Variants in NSUN6 observed in about 807,000 individuals in gnomAD.
NSUN6 encodes the protein NOP2/Sun RNA methyltransferase 6.
NSUN6 carries 64 observed loss-of-function variants against 58.0 expected under a neutral mutation model. The ratio of observed to expected loss-of-function variants is 1.10; its 90% CI spans 0.90 to 1.36. The LOEUF (loss-of-function observed/expected upper bound fraction) is 1.36. Ranked by LOEUF, NSUN6 falls within the 40% of genes most tolerant of loss-of-function variation. NSUN6 has a pLI of 0.00. For synonymous variants in NSUN6, 231 were observed against 193.9 expected (o/e 1.19, Z -1.59); for missense variants, 701 against 550.1 (o/e 1.27, Z -2.74).
intron 2 of NSUN6, among the ~76,000 whole-genome samples, chr10:18,644,873 G>A (rs7071897): frequency 0.56 from 83,163 of 149,264 alleles, 23,502 homozygotes; most frequent in East Asian, 0.94. Context: ...CTGAAAACGT[G>A]TAGGTCAGGC....
chr10:18,574,407 G>A (rs562915250), intron 8 of NSUN6, among the ~76,000 whole-genome samples: 74 of 151,862 alleles, frequency 4.9e-4, no homozygotes, highest in Non-Finnish European at 8.7e-4. Flanking sequence ...AACCCAGCAG[G>A]TTTCCTAACA....
chr10:18,568,449 T>C (rs988683589), intron 8 of NSUN6, among the ~76,000 whole-genome samples: 2 of 150,014 alleles, frequency 1.3e-5, no homozygotes, highest in Non-Finnish European at 3.0e-5. Flanking sequence ...TCCAGCTCCA[T>C]CTCCATTCCA....
intron 3 of NSUN6, 94 bp downstream of exon 3, chr10:18,642,382 G>C: frequency 1.5e-6 from 1 of 669,704 alleles, no homozygotes; most frequent in East Asian, 2.6e-5. Context: ...GCTAACAATG[G>C]AGAAACTTAG....
At chr10:18,549,243 C>T (rs2054464859) in intron 9 of NSUN6, among the ~76,000 whole-genome samples, 1 of 152,146 alleles carries the variant, frequency 6.6e-6, no homozygotes, top group African/African-American at 2.4e-5. Context: ...GCCTCTCTGA[C>T]CTCCTCCTGT....
chr10:18,641,583 T>C (rs1163566548), intron 3 of NSUN6, among the ~76,000 whole-genome samples: 1 of 152,052 alleles, frequency 6.6e-6, no homozygotes, highest in Non-Finnish European at 1.5e-5. Flanking sequence ...TTGCCCAGAC[T>C]GGTCTCCAAC....
intron 6 of NSUN6, among the ~76,000 whole-genome samples, chr10:18,599,084 C>T (rs2057707431): frequency 6.6e-6 from 1 of 152,056 alleles, no homozygotes; most frequent in Admixed American, 6.6e-5. Context: ...GTCACACAGG[C>T]TGCAGTGCAG....
At chr10:18,654,702 A>T (rs1046644537), upstream of NSUN6, 1 of 152,092 alleles carries the variant, frequency 6.6e-6, no homozygotes, top group Non-Finnish European at 1.5e-5. Context: ...TCAATATGTA[A>T]AACCCCATCT....
chr10:18,606,804 T>C (rs901647314), intron 6 of NSUN6, among the ~76,000 whole-genome samples: 10 of 152,188 alleles, frequency 6.6e-5, no homozygotes, highest in African/African-American at 1.2e-4. Context: ...TAGGTACCCA[T>C]ATTACAAGTT....
intron 8 of NSUN6, among the ~76,000 whole-genome samples, chr10:18,562,983 G>A (rs1010303530): frequency 2.0e-5 from 3 of 150,682 alleles, no homozygotes; most frequent in African/African-American, 7.3e-5. Flanking sequence ...AAGGAATGGA[G>A]AATGGAATGG....
chr10:18,588,194 G>C (rs1394461651), intron 7 of NSUN6, among the ~76,000 whole-genome samples: 1 of 152,208 alleles, frequency 6.6e-6, no homozygotes, highest in Non-Finnish European at 1.5e-5. Context: ...CAAAGCAGTT[G>C]TGGCCAGACT....
chr10:18,614,319 G>C (rs1163985355), intron 5 of NSUN6, 141 bp downstream of exon 5: 1 of 417,892 alleles, frequency 2.4e-6, no homozygotes, highest in African/African-American at 2.1e-5. Flanking sequence ...GGAAATATGG[G>C]TTTAAACAAT....
intron 2 of NSUN6, among the ~76,000 whole-genome samples, chr10:18,648,069 T>C (rs545034307): frequency 6.1e-4 from 93 of 152,254 alleles, no homozygotes; most frequent in African/African-American, 2.0e-3. Context: ...CAATTAACAA[T>C]ATAATCTCAC....
At chr10:18,559,843 GGGAATGGAATGCAGTGGGGATTTGAATGC>G (rs1318363565) in intron 8 of NSUN6, among the ~76,000 whole-genome samples, 6 of 150,734 alleles carry the variant, frequency 4.0e-5, no homozygotes, top group Non-Finnish European at 4.5e-5. Context: ...GAAAGGAATG[GGGAATGGAATGCAGTGGGGATTTGAATGC>G]GGAATGGAAT....
intron 3 of NSUN6, among the ~76,000 whole-genome samples, chr10:18,642,144 A>G (rs1032016175): frequency 3.3e-5 from 5 of 152,216 alleles, no homozygotes; most frequent in Non-Finnish European, 7.3e-5. Context: ...CAGCTCAAAA[A>G]AGAGTTTTAA....
At chr10:18,560,844 G>A (rs1485011575) in intron 8 of NSUN6, among the ~76,000 whole-genome samples, 1 of 151,248 alleles carries the variant, frequency 6.6e-6, no homozygotes, top group African/African-American at 2.4e-5. Context: ...GAAGAGAATG[G>A]AATGGGGTGC....
chr10:18,587,662 T>C (rs1379331732), intron 7 of NSUN6, among the ~76,000 whole-genome samples: 1 of 152,006 alleles, frequency 6.6e-6, no homozygotes, highest in East Asian at 1.9e-4. Flanking sequence ...GGATGGGGCG[T>C]CACTCACCCA....
rs186732496 is a variant in NSUN6, at chr10:18,618,739, T to C, written c.312-2446A>G. Among the ~76,000 whole-genome samples the C allele has an allele frequency of 1.7e-3, 265 of 151,842 alleles. 2 individuals are homozygous for C. Among genetic ancestry groups the C allele is most frequent in the African/African-American group, 6.3e-3 (259 of 41,390 alleles). On this transcript the variant is annotated intron_variant, in intron 3 of 10. Transcript: ENST00000377304. ...GCTTTTTCATGACTCAATTTCACTT[T>C]CATATTTTTAATTTCTCTCTGCTGC...
intron 6 of NSUN6, among the ~76,000 whole-genome samples, chr10:18,601,988 G>A (rs963872871): frequency 2.6e-5 from 4 of 151,492 alleles, no homozygotes; most frequent in Non-Finnish European, 5.9e-5. Context: ...AAAAAAAAAG[G>A]GAAATAAATC....
At chr10:18,552,946 C>G (rs1247598172) in intron 8 of NSUN6, among the ~76,000 whole-genome samples, 1 of 150,664 alleles carries the variant, frequency 6.6e-6, no homozygotes, top group Non-Finnish European at 1.5e-5. Flanking sequence ...ATTCTCCACT[C>G]AATTCTCCAT....
Sources: allele counts gnomAD v4.1 joint callset (sites outside exome capture counted in the v4.1 genomes callset), GRCh38; gene constraint gnomAD v4.1.1; transcripts MANE v1.5; gene names NCBI Gene and HGNC (gene_info 2026-07-23, HGNC 2026-07-21).